BTBD9: variants seen among roughly 807,000 people sequenced by gnomAD.
The protein encoded by BTBD9 is BTB domain containing 9.
BTBD9 carries 49 observed loss-of-function variants against 64.3 expected under a neutral mutation model. That is an observed-to-expected ratio of 0.76 (90% CI 0.61 to 0.97). BTBD9 has a LOEUF of 0.97. Ranked by LOEUF, BTBD9 falls within the 50% of genes least tolerant of loss-of-function variation. BTBD9 has a pLI of 0.00. For missense variants in BTBD9, 598 were observed against 762.1 expected, an observed-to-expected ratio of 0.78 and a Z score of 2.53; for synonymous variants, 260 against 274.7, an observed-to-expected ratio of 0.95 and a Z score of 0.53.
In BTBD9 at chr6:38,269,648, G is replaced by C. The variant is rs957404741; in HGVS notation, c.1455-13132C>G. Among the ~76,000 whole-genome samples the C allele has an allele frequency of 3.3e-5, 5 of 151,982 alleles. No homozygotes were observed. The East Asian group carries it at 9.7e-4, about 29-fold the overall frequency. ...ATACTGAACAGGAGGCCCAGGCAAAGGCTCTGCAAAGGGAGGGTTTGCAGT... is the reference window on the plus strand; with the variant it reads ...ATACTGAACAGGAGGCCCAGGCAAACGCTCTGCAAAGGGAGGGTTTGCAGT... On this transcript the variant is annotated intron_variant, in intron 8 of 10. Coordinates refer to ENST00000481247, the MANE Select transcript of BTBD9 (RefSeq NM_001099272.2).
chr6:38,622,731 C>T (rs768911260), intron 1 of BTBD9, among the ~76,000 whole-genome samples: 1 of 152,212 alleles, frequency 6.6e-6, no homozygotes. Context: ...GGGGCACCTA[C>T]TATCCCATCA....
intron 6 of BTBD9, among the ~76,000 whole-genome samples, chr6:38,428,118 G>C (rs1309328075): frequency 6.6e-6 from 1 of 151,852 alleles, no homozygotes; most frequent in Non-Finnish European, 1.5e-5. Context: ...TTTGGGTGAG[G>C]GGGATAACAG....
Position 38,536,148 on chromosome 6 carries a change from G to GA in BTBD9, c.1154+41451dup, listed in dbSNP as rs1452671600. 3.5e-4 allele frequency among the ~76,000 whole-genome samples: 53 copies of GA among 151,844 alleles called. 1 individual carries two copies. The highest frequency in any genetic ancestry group is 1.8e-3 in the Admixed American group (27 of 15,254). ...ATAAGGAGCTCAAACAACTCTCTAA[G>GA]AAAAAAATCTAATAATCCACTGAAT... On this transcript the variant is annotated intron_variant, in intron 6 of 10. Transcript: ENST00000481247.
intron 9 of BTBD9, among the ~76,000 whole-genome samples, chr6:38,248,735 C>T (rs1435175565): frequency 2.0e-5 from 3 of 152,200 alleles, no homozygotes; most frequent in Non-Finnish European, 4.4e-5. Flanking sequence ...AGTTCGCTCT[C>T]CCTTCCCGGA....
In BTBD9 at chr6:38,427,419, T is replaced by C. The variant is rs1768221652; in HGVS notation, c.1155-82326A>G. Among the ~76,000 whole-genome samples, 3 of 151,920 alleles carry C rather than the reference T, an allele frequency of 2.0e-5. No homozygotes were observed. The East Asian group carries it at 5.8e-4, about 29-fold the overall frequency. On this transcript the variant is annotated intron_variant, in intron 6 of 10. Coordinates refer to ENST00000481247, the MANE Select transcript of BTBD9 (RefSeq NM_001099272.2). ...GAGGTGAGCTCTAGGCACTGGGCTT[T>C]TGTAAAAGCTCCCCAAATGATTCCA...
intron 6 of BTBD9, among the ~76,000 whole-genome samples, chr6:38,378,082 C>T (rs75811007): frequency 9.2e-5 from 14 of 152,154 alleles, no homozygotes; most frequent in South Asian, 2.1e-4. Flanking sequence ...CCCATGGCTC[C>T]GCCCCGTCCT....
At chr6:38,183,080 T>C (rs572660569) in intron 10 of BTBD9, among the ~76,000 whole-genome samples, 37 of 151,874 alleles carry the variant, frequency 2.4e-4, no homozygotes, top group African/African-American at 2.9e-4. Context: ...CCCGGGTTCA[T>C]GCCATTCTCC....
intron 6 of BTBD9, among the ~76,000 whole-genome samples, chr6:38,558,189 T>C (rs1359196809): frequency 6.6e-6 from 1 of 151,974 alleles, no homozygotes; most frequent in Non-Finnish European, 1.5e-5. Flanking sequence ...GACCAAGAGT[T>C]CCAGGGTAAA....
chr6:38,346,075 G>A (rs1764265287), intron 6 of BTBD9, among the ~76,000 whole-genome samples: 1 of 152,130 alleles, frequency 6.6e-6, no homozygotes, highest in South Asian at 2.1e-4. Flanking sequence ...CTGAAGGATG[G>A]GGTATATTAA....
chr6:38,604,194 A>G (rs1371526261), intron 1 of BTBD9, among the ~76,000 whole-genome samples: 1 of 152,232 alleles, frequency 6.6e-6, no homozygotes, highest in African/African-American at 2.4e-5. Flanking sequence ...TTCACATGAC[A>G]GGATTCCTGA....
intron 7 of BTBD9, among the ~76,000 whole-genome samples, chr6:38,288,910 G>C (rs925327559): frequency 2.0e-5 from 3 of 152,164 alleles, no homozygotes; most frequent in Non-Finnish European, 4.4e-5. Context: ...CTGGGTGACA[G>C]AGCGAGACTC....
chr6:38,303,716 A>T (rs370670277), intron 7 of BTBD9, among the ~76,000 whole-genome samples: 1 of 151,900 alleles, frequency 6.6e-6, no homozygotes, highest in East Asian at 1.9e-4. Flanking sequence ...TGGGAAAAAA[A>T]GGCTGGGATC....
At chr6:38,263,525 T>C (rs1253510090) in intron 8 of BTBD9, among the ~76,000 whole-genome samples, 1 of 152,196 alleles carries the variant, frequency 6.6e-6, no homozygotes, top group Non-Finnish European at 1.5e-5. Context: ...GCTAATCAGA[T>C]TTCCTTTCTC....
At chr6:38,524,440 A>G (rs1773398613) in intron 6 of BTBD9, among the ~76,000 whole-genome samples, 1 of 152,214 alleles carries the variant, frequency 6.6e-6, no homozygotes, top group Non-Finnish European at 1.5e-5. Context: ...AGAGAAATGG[A>G]TTAGTATTAG....
chr6:38,426,651 C>T (rs1206337528), intron 6 of BTBD9, among the ~76,000 whole-genome samples: 1 of 151,934 alleles, frequency 6.6e-6, no homozygotes, highest in Non-Finnish European at 1.5e-5. Flanking sequence ...GGGCTAAAGG[C>T]TTGCCATTGT....
chr6:38,236,705 A>G (rs1217315265), intron 9 of BTBD9, among the ~76,000 whole-genome samples: 1 of 152,248 alleles, frequency 6.6e-6, no homozygotes, highest in East Asian at 1.9e-4. Context: ...AGGACTCCAG[A>G]GATTTCTGCA....
chr6:38,629,691 A>T (rs1320399788), intron 1 of BTBD9, among the ~76,000 whole-genome samples: 1 of 151,810 alleles, frequency 6.6e-6, no homozygotes, highest in Non-Finnish European at 1.5e-5. Context: ...GTGTGATGGC[A>T]TGTGCCTGTA....
intron 6 of BTBD9, chr6:38,504,438 CT>C: frequency 2.5e-6 from 1 of 396,770 alleles, no homozygotes; most frequent in Non-Finnish European, 5.1e-6. Context: ...TCCTTCCTCC[CT>C]TTCCCTATGA....
intron 6 of BTBD9, among the ~76,000 whole-genome samples, chr6:38,469,881 T>C (rs1008239227): frequency 1.3e-5 from 2 of 152,234 alleles, no homozygotes; most frequent in Non-Finnish European, 2.9e-5. Context: ...TTGAGATACT[T>C]GGAAGCCATA....
Sources: gnomAD v4.1 joint callset for allele counts (sites outside exome capture counted in the v4.1 genomes callset) on GRCh38, gnomAD v4.1.1 for gene constraint, MANE v1.5 for transcripts, NCBI Gene and HGNC (gene_info 2026-07-23, HGNC 2026-07-21) for gene names.